Variants in RAD51B observed in about 807,000 individuals in gnomAD.
RAD51B encodes the protein DNA repair protein RAD51 homolog 2.
A neutral mutation model predicts 42.2 loss-of-function variants in RAD51B; 38 were observed. The ratio of observed to expected loss-of-function variants is 0.90; its 90% CI spans 0.70 to 1.18. The LOEUF (loss-of-function observed/expected upper bound fraction) is 1.18, where lower values mean the gene tolerates loss of function less well. RAD51B is among the 50% of genes most tolerant of loss of function. The pLI, the probability that RAD51B is intolerant of heterozygous loss-of-function variation, is 0.00. For synonymous variants in RAD51B, 154 were observed against 145.2 expected (o/e 1.06, Z -0.43); for missense variants, 373 against 400.7 (o/e 0.93, Z 0.59).
chr14:68,062,992 T>C (rs543291282), intron 7 of RAD51B, among the ~76,000 whole-genome samples: 1 of 152,276 alleles, frequency 6.6e-6, no homozygotes, highest in Non-Finnish European at 1.5e-5. Context: ...TGCCCAGAAG[T>C]TGATCCATTT....
rs59465805 is a variant in RAD51B at position 67,948,931 on chromosome 14, C to CAAAAAAAAAAAAAAAA, written c.756+61739_756+61754dup. 5.3e-4 allele frequency among the ~76,000 whole-genome samples: 9 copies of CAAAAAAAAAAAAAAAA among 17,058 alleles called. 1 individual carries two copies. The highest frequency in any genetic ancestry group is 1.7e-3 in the African/African-American group (9 of 5,212). The allele number at this position is 17,058 out of a possible 152,430, so 11.2% of individuals were successfully genotyped here. On this transcript the variant is annotated intron_variant, in intron 7 of 10. Transcript: ENST00000471583. Reference sequence around the variant, plus strand: ...TGGGTGACAGAGTGAGACTCTGTCTCAAAAAAAAAAAAAAAAAAAAAAAAA... The same window carrying CAAAAAAAAAAAAAAAA: ...TGGGTGACAGAGTGAGACTCTGTCTCAAAAAAAAAAAAAAAAAAAAAAAAAAAAAAAAAAAAAAAAA...
At chr14:68,526,781 C>T (rs1021424744) in intron 10 of RAD51B, among the ~76,000 whole-genome samples, 4 of 152,176 alleles carry the variant, frequency 2.6e-5, no homozygotes, top group Admixed American at 1.3e-4. Context: ...ACATTCAGGC[C>T]GCTTGGTTCT....
At chr14:68,354,361 C>A (rs998084482) in intron 8 of RAD51B, among the ~76,000 whole-genome samples, 2 of 151,940 alleles carry the variant, frequency 1.3e-5, no homozygotes, top group Admixed American at 1.3e-4. Flanking sequence ...GGACTACAGG[C>A]ACACACCACC....
chr14:67,831,679 G>A (rs186666333), intron 3 of RAD51B, among the ~76,000 whole-genome samples: 1 of 152,066 alleles, frequency 6.6e-6, no homozygotes, highest in East Asian at 1.9e-4. Context: ...TGGGATTACA[G>A]GCATGTGCTA....
intron 8 of RAD51B, among the ~76,000 whole-genome samples, chr14:68,345,828 T>G (rs1459348775): frequency 6.6e-6 from 1 of 152,180 alleles, no homozygotes; most frequent in African/African-American, 2.4e-5. Context: ...GCCCAGCTAA[T>G]TTTTGTATTT....
chr14:68,665,270 G>T (rs1893009662), intron 11 of RAD51B, among the ~76,000 whole-genome samples: 1 of 152,290 alleles, frequency 6.6e-6, no homozygotes, highest in African/African-American at 2.4e-5. Flanking sequence ...GGCTATCCCA[G>T]TGGGATGACG....
At chr14:68,073,990 C>A (rs148567419) in intron 7 of RAD51B, among the ~76,000 whole-genome samples, 1 of 152,134 alleles carries the variant, frequency 6.6e-6, no homozygotes, top group Non-Finnish European at 1.5e-5. Flanking sequence ...GAGGATTTGA[C>A]GACTGGGTGC....
chr14:68,648,085 ACG>A lies in RAD51B; in HGVS notation c.1037-2695_1037-2694del, dbSNP rs372949249. On this transcript the variant is annotated intron_variant, in intron 10 of 11. Transcript: ENST00000488612. ...TGTATATATATATACACGTATATAT[ACG>A]TGTGTGTATATATATATACACACAC... Among the ~76,000 whole-genome samples, 10 of 36,396 alleles carry A rather than the reference ACG, an allele frequency of 2.7e-4. 1 individual carries two copies. Among genetic ancestry groups the A allele is most frequent in the East Asian group, 2.4e-3 (2 of 830 alleles). 23.9% of individuals were successfully genotyped at this position (36,396 alleles called of 152,430 possible).
intron 7 of RAD51B, among the ~76,000 whole-genome samples, chr14:68,285,619 G>A (rs2081399849): frequency 6.6e-6 from 1 of 152,298 alleles, no homozygotes; most frequent in Admixed American, 6.5e-5. Flanking sequence ...TCCTGGCCCA[G>A]TTAAAGTGAT....
intron 8 of RAD51B, among the ~76,000 whole-genome samples, chr14:68,401,873 A>G (rs1232859876): frequency 6.6e-6 from 1 of 152,232 alleles, no homozygotes; most frequent in Non-Finnish European, 1.5e-5. Context: ...CGTATCTAAA[A>G]TGGTAGCACA....
At chr14:68,577,979 C>T (rs1230174791) in intron 10 of RAD51B, among the ~76,000 whole-genome samples, 1 of 152,228 alleles carries the variant, frequency 6.6e-6, no homozygotes, top group Admixed American at 6.5e-5. Flanking sequence ...TTCCATCAGG[C>T]AAATTCCTGA....
intron 7 of RAD51B, among the ~76,000 whole-genome samples, chr14:68,059,646 C>T (rs1257605135): frequency 6.6e-6 from 1 of 152,302 alleles, no homozygotes. Flanking sequence ...CATCCTGTTT[C>T]CCTGGCCAAA....
At chr14:68,409,086 T>A (rs1384340081) in intron 8 of RAD51B, among the ~76,000 whole-genome samples, 1 of 152,180 alleles carries the variant, frequency 6.6e-6, no homozygotes, top group Non-Finnish European at 1.5e-5. Flanking sequence ...GTTCTAAAGT[T>A]AATTGTGGTA....
At chr14:68,677,531 C>T (rs933078990) in intron 11 of RAD51B, among the ~76,000 whole-genome samples, 8 of 152,170 alleles carry the variant, frequency 5.3e-5, no homozygotes, top group Non-Finnish European at 1.0e-4. Flanking sequence ...TCACCTCACC[C>T]GTTTGCCCTT....
At chr14:68,617,834 T>C (rs761917587) in intron 10 of RAD51B, among the ~76,000 whole-genome samples, 2 of 152,246 alleles carry the variant, frequency 1.3e-5, no homozygotes, top group Non-Finnish European at 2.9e-5. Flanking sequence ...GGTTTCACCA[T>C]GTTGGCCAGG....
At chr14:68,498,765 C>T (rs1310760525) in intron 10 of RAD51B, among the ~76,000 whole-genome samples, 1 of 152,094 alleles carries the variant, frequency 6.6e-6, no homozygotes, top group South Asian at 2.1e-4. Flanking sequence ...GGAGCTGAGA[C>T]GTATACTAAA....
chr14:68,204,099 G>C (rs2079541145), intron 7 of RAD51B, among the ~76,000 whole-genome samples: 1 of 152,112 alleles, frequency 6.6e-6, no homozygotes, highest in African/African-American at 2.4e-5. Flanking sequence ...TCATAACTTG[G>C]CCAACTGTTT....
At chr14:68,411,794 C>T (rs2084428272) in intron 9 of RAD51B, among the ~76,000 whole-genome samples, 3 of 152,150 alleles carry the variant, frequency 2.0e-5, no homozygotes, top group Non-Finnish European at 4.4e-5. Context: ...GACCACACCT[C>T]TAAGGGTATC....
intron 7 of RAD51B, among the ~76,000 whole-genome samples, chr14:68,096,091 A>G (rs1240694372): frequency 1.3e-5 from 2 of 152,040 alleles, no homozygotes; most frequent in South Asian, 2.1e-4. Context: ...TCTAAAGCCC[A>G]TCTTTTTCAT....
Sources: gnomAD v4.1 joint callset for allele counts (sites outside exome capture counted in the v4.1 genomes callset) on GRCh38, gnomAD v4.1.1 for gene constraint, MANE v1.5 for transcripts, NCBI Gene and HGNC (gene_info 2026-07-23, HGNC 2026-07-21) for gene names.